Variants in GRIPAP1 observed in about 807,000 individuals in gnomAD.
The protein encoded by GRIPAP1 is GRIP1-associated protein 1.
Under a neutral mutation model 84.1 loss-of-function variants are expected in GRIPAP1, and 14 were observed. The observed-to-expected ratio is 0.17, with a 90% CI of 0.11 to 0.26. The LOEUF is 0.26. GRIPAP1 is among the 10% of genes least tolerant of loss of function. The pLI is 1.00. For missense variants in GRIPAP1, 518 were observed against 674.2 expected (o/e 0.77, Z 2.57); for synonymous variants, 261 against 256.8 (o/e 1.02, Z -0.15).
intron 3 of GRIPAP1, among the ~76,000 whole-genome samples, chrX:48,998,400 G>A (rs926110149): frequency 8.9e-6 from 1 of 112,256 alleles, no homozygotes. Flanking sequence ...CTTGCCCTGG[G>A]GCCCCAGCAC....
intron 5 of GRIPAP1, among the ~76,000 whole-genome samples, chrX:48,996,693 A>G (rs1557066801): frequency 8.9e-6 from 1 of 111,915 alleles, no homozygotes; most frequent in Non-Finnish European, 1.9e-5. Flanking sequence ...CACTAAAAAC[A>G]TAGACAATTA....
At chrX:48,996,946 C>G (rs965530432) in intron 5 of GRIPAP1, among the ~76,000 whole-genome samples, 2 of 111,424 alleles carry the variant, frequency 1.8e-5, no homozygotes, top group Admixed American at 1.9e-4. Flanking sequence ...CTAAAACCCC[C>G]CAACACCTTG....
intron 1 of GRIPAP1, among the ~76,000 whole-genome samples, chrX:49,001,454 T>C (rs1460305066): frequency 2.8e-5 from 3 of 105,454 alleles, no homozygotes; most frequent in Non-Finnish European, 5.8e-5. Context: ...AAGAATCAAG[T>C]GGGGGTACCT....
At chrX:48,977,869 T>G in intron 22 of GRIPAP1, 1 of 115,230 alleles carries the variant, frequency 8.7e-6, no homozygotes, top group Non-Finnish European at 1.8e-5. Flanking sequence ...TCTTTGCTCA[T>G]TTGTGGTTTT....
chrX:48,981,931 G>C, intron 17 of GRIPAP1, 59 bp from the exon 18 acceptor site: 1 of 844,080 alleles, frequency 1.2e-6, no homozygotes. Flanking sequence ...GCCCAGTTAG[G>C]GGTATGAGGG....
rs1177033261 is a variant in GRIPAP1 at position 48,991,045 on chromosome X, G to A, written c.523C>T (p.Pro175Ser). 2.5e-6 allele frequency: 3 copies of A among 1,199,271 alleles called. No individual in the cohort carries two copies. Among genetic ancestry groups the A allele is most frequent in the Non-Finnish European group, 3.4e-6 (3 of 885,405 alleles). Reference protein sequence around the residue: ...FSAVSEGQGDPPGGLAPTVLA... With the variant: ...FSAVSEGQGDSPGGLAPTVLA... ...ACGGTGGGGGCCAGGCCCCCTGGGGGATCCCCCTGGCCCTCACTGACAGCT... is the reference window on the plus strand; with the variant it reads ...ACGGTGGGGGCCAGGCCCCCTGGGGAATCCCCCTGGCCCTCACTGACAGCT... Residue 175 changes from proline to serine, a missense_variant, in exon 7 of 26, where the codon CCC becomes TCC. By Grantham distance (74) the Pro-to-Ser change is moderately conservative. Around this residue, in one of 5 missense-constraint regions of GRIPAP1, gnomAD observed 372 missense variants for 458.1 expected, o/e 0.81. Transcript: ENST00000376423.
chrX:48,975,277 T>C lies in GRIPAP1; in HGVS notation c.2311A>G (p.Ser771Gly), dbSNP rs782187461. ...VSVAAGHTDRSGLGSVLRDLV... is the reference protein window; with the variant it reads ...VSVAAGHTDRGGLGSVLRDLV... ...TCTCTCAGGACGCTGCCCAGCCCGC[T>C]GCGGTCTGTGTGGCCTGCTGCCACA... Residue 771 changes from serine to glycine, a missense_variant, in exon 25 of 26, where the codon AGC becomes GGC. This residue lies in a region of GRIPAP1 where 32 missense variants were observed against 82.4 expected (regional missense o/e 0.39). Coordinates refer to ENST00000376423, the MANE Select transcript of GRIPAP1 (RefSeq NM_020137.5). 1 of 1,211,401 alleles carries C rather than the reference T, an allele frequency of 8.3e-7. No individual in the cohort carries two copies. Among genetic ancestry groups the C allele is most frequent in the South Asian group, 1.8e-5 (1 of 56,901 alleles).
intron 13 of GRIPAP1, among the ~76,000 whole-genome samples, chrX:48,986,181 G>T (rs1557063699): frequency 9.8e-6 from 1 of 102,181 alleles, no homozygotes; most frequent in Non-Finnish European, 2.0e-5. Flanking sequence ...GGCGGAGGTT[G>T]CAGTGAGCCG....
chrX:48,986,839 T>C (rs781973303), intron 13 of GRIPAP1, among the ~76,000 whole-genome samples: 17 of 108,503 alleles, frequency 1.6e-4, no homozygotes, highest in African/African-American at 5.7e-4. Context: ...CCAATAAGTT[T>C]TTTTTCGTTT....
chrX:48,975,490 C>A, intron 24 of GRIPAP1, 181 bp from the exon 25 acceptor site: 1 of 411,570 alleles, frequency 2.4e-6, no homozygotes, highest in Non-Finnish European at 4.2e-6. Flanking sequence ...TCTATGGCCC[C>A]GAGAAATGAG....
At position 48,976,054 on chromosome X, in the gene GRIPAP1, C is replaced by T. The variant is rs781793618; in HGVS notation, c.2242G>A (p.Ala748Thr). Reference protein sequence around the residue: ...SMAEDLCRKSAIIETYVMDSR... With the variant: ...SMAEDLCRKSTIIETYVMDSR... The stretch of plus-strand genomic sequence containing the variant: ...TCCATGACGTAGGTCTCAATGATGG[C>T]GCTCTTCCGGCAGAGGTCCTCTGCC... Residue 748 changes from alanine to threonine, a missense_variant, in exon 24 of 26, where the codon GCC (alanine) becomes ACC (threonine). By Grantham distance (58) the Ala-to-Thr change is moderately conservative. This residue lies in a region of GRIPAP1 where 32 missense variants were observed against 82.4 expected (regional missense o/e 0.39). Coordinates refer to ENST00000376423, the MANE Select transcript of GRIPAP1 (RefSeq NM_020137.5). 4.1e-6 allele frequency: 5 copies of T among 1,209,645 alleles called. No homozygotes were observed. Among genetic ancestry groups the T allele is most frequent in the Admixed American group, 2.2e-5 (1 of 45,844 alleles).
chrX:48,993,386 A>G, intron 6 of GRIPAP1, 42 bp downstream of exon 6: 1 of 1,084,953 alleles, frequency 9.2e-7, no homozygotes, highest in Non-Finnish European at 1.2e-6. Context: ...TGCCCTACTC[A>G]AGCCCCAATG....
intron 5 of GRIPAP1, among the ~76,000 whole-genome samples, chrX:48,995,281 G>T (rs2064541519): frequency 8.9e-6 from 1 of 111,867 alleles, no homozygotes; most frequent in Non-Finnish European, 1.9e-5. Flanking sequence ...TGGATTTATG[G>T]AAGAATGTCT....
In GRIPAP1 at chrX:48,997,259, C is replaced by T. The variant is rs1557066985; in HGVS notation, c.297G>A (p.Glu99=). The stretch of plus-strand genomic sequence containing the variant: ...TCCCAGGCACCAGCACCTTGCTGAA[C>T]TCGGCCATTAGTGTGCTGTTCTGCA... ...FRLQNSTLMA[E]FSKLCSQMEQ... is the part of the protein sequence containing the mutation. Residue 99 remains glutamate (E), a synonymous_variant, in exon 5 of 26, where the codon GAG becomes GAA. Coordinates refer to ENST00000376423, the MANE Select transcript of GRIPAP1 (RefSeq NM_020137.5). The T allele has an allele frequency of 8.8e-7, 1 of 1,133,234 alleles. No individual in the cohort carries two copies. Among genetic ancestry groups the T allele is most frequent in the South Asian group, 1.9e-5 (1 of 53,063 alleles). The allele number at this position is 1,133,234 out of a possible 1,213,427, so 93.4% of individuals were successfully genotyped here. A position where few individuals can be genotyped will look rare whatever the true frequency, so the allele number is the denominator to read the frequency against.
Position 48,999,633 on chromosome X carries a change from C to T in GRIPAP1, c.43-129G>A, listed in dbSNP as rs1480645928. On this transcript the variant is annotated intron_variant, in intron 1 of 25. Transcript: ENST00000376423. ...GTGCCTCTGTAGCTACTCCTTAAGA[C>T]CTGTATGTGCTACACCCAAAGTGAC... The T allele has an allele frequency of 8.5e-6, 4 of 471,745 alleles. No homozygotes were observed. The East Asian group carries it at 1.4e-4, about 17-fold the overall frequency. The allele number at this position is 471,745 out of a possible 1,213,427, so 38.9% of individuals were successfully genotyped here.
At position 48,976,271 on chromosome X, in the gene GRIPAP1, T is replaced by G; in HGVS notation, c.2154A>C (p.Thr718=). 8.5e-7 allele frequency: 1 copy of G among 1,174,150 alleles called. No homozygotes were observed. Among genetic ancestry groups the G allele is most frequent in the Non-Finnish European group, 1.1e-6 (1 of 876,513 alleles). The stretch of plus-strand genomic sequence containing the variant: ...CCTCCAGCATCCATTTCTCCTGCTG[T>G]GTCTCTGCCAGCCGCTGAAAGAGCT... The part of the protein sequence containing the change: ...VAELFQRLAE[T]QQEKWMLEEK... Residue 718 remains threonine (T), a synonymous_variant, in exon 23 of 26, where the codon ACA becomes ACC. Transcript: ENST00000376423.
Position 48,981,709 on chromosome X carries a change from G to A in GRIPAP1, c.1678-18C>T, listed in dbSNP as rs782781241. ...TCCTTGCCCTGCAAAGCAGAAAGCA[G>A]CTTAGGCATTGGCTTGGGAAGCCTC... On this transcript the variant is annotated intron_variant, in intron 18 of 25. Transcript: ENST00000376423. 1.7e-6 allele frequency: 2 copies of A among 1,185,949 alleles called. No homozygotes were observed. Among genetic ancestry groups the A allele is most frequent in the South Asian group, 3.6e-5 (2 of 56,244 alleles).
chrX:48,996,696 G>A (rs186908801), intron 5 of GRIPAP1, among the ~76,000 whole-genome samples: 1 of 111,611 alleles, frequency 9.0e-6, no homozygotes, highest in Non-Finnish European at 1.9e-5. Flanking sequence ...TAAAAACATA[G>A]ACAATTATCA....
chrX:48,993,637 C>T lies in GRIPAP1; in HGVS notation c.307-59G>A, dbSNP rs1214892096. ...AGAATCAGAGCAGTATTTGCTGAAA[C>T]CTACATAGCATTTGTCCATGTACTT... is the stretch of plus-strand genomic sequence containing the variant. On this transcript the variant is annotated intron_variant, in intron 5 of 25. Transcript: ENST00000376423. The T allele has an allele frequency of 4.5e-6, 4 of 889,536 alleles. No homozygotes were observed. The African/African-American group carries it at 8.3e-5, about 18-fold the overall frequency. The allele number at this position is 889,536 out of a possible 1,213,427, so 73.3% of individuals were successfully genotyped here.
Sources: gnomAD v4.1 joint callset for allele counts (sites outside exome capture counted in the v4.1 genomes callset) on GRCh38, gnomAD v4.1.1 for gene constraint, gnomAD v4.1.1 regional missense constraint, MANE v1.5 for transcripts, NCBI Gene and HGNC (gene_info 2026-07-23, HGNC 2026-07-21) for gene names.